Variants in NEK10 observed in about 807,000 individuals in gnomAD.
NEK10 encodes the protein serine/threonine-protein kinase Nek10.
NEK10 carries 122 observed loss-of-function variants against 159.8 expected under a neutral mutation model. The ratio of observed to expected loss-of-function variants is 0.76; its 90% CI spans 0.66 to 0.89. The LOEUF is 0.89. Among genes scored for constraint, NEK10 ranks in the 40% least tolerant of loss-of-function variants. The pLI is 0.00. For synonymous variants in NEK10, 466 were observed against 457.1 expected (o/e 1.02, Z -0.25); for missense variants, 1,342 against 1,323.1 (o/e 1.01, Z -0.22).
At chr3:27,364,096 G>A (rs1352024597) in intron 1 of NEK10, among the ~76,000 whole-genome samples, 2 of 151,832 alleles carry the variant, frequency 1.3e-5, no homozygotes, top group Non-Finnish European at 2.9e-5. Flanking sequence ...TTTTTTGTGT[G>A]TGTGTGGAGA....
chr3:27,251,193 G>T (rs564062419), intron 23 of NEK10, among the ~76,000 whole-genome samples: 1 of 152,154 alleles, frequency 6.6e-6, no homozygotes, highest in Non-Finnish European at 1.5e-5. Flanking sequence ...CTCAATAGCC[G>T]ATCTAGAATT....
intron 26 of NEK10, among the ~76,000 whole-genome samples, chr3:27,175,589 G>A (rs7653795): frequency 0.63 from 95,440 of 152,124 alleles, 31,851 homozygotes; most frequent in African/African-American, 0.87. Flanking sequence ...GAGAAAGACC[G>A]TGCGGAAGGA....
At chr3:27,229,733 C>T (rs2120890) in intron 23 of NEK10, among the ~76,000 whole-genome samples, 96,622 of 151,926 alleles carry the variant, frequency 0.64, 33,072 homozygotes, top group African/African-American at 0.91. Flanking sequence ...ATGCAATGGA[C>T]AGTTTCAACA....
intron 23 of NEK10, among the ~76,000 whole-genome samples, chr3:27,204,290 TTTTTG>T (rs1372655598): frequency 5.8e-4 from 65 of 111,396 alleles, no homozygotes; most frequent in African/African-American, 2.4e-3. Flanking sequence ...TTTTTTTTTT[TTTTTG>T]TTGTTGTTTT....
At chr3:27,149,750 T>C (rs1944650446) in intron 30 of NEK10, among the ~76,000 whole-genome samples, 1 of 152,156 alleles carries the variant, frequency 6.6e-6, no homozygotes, top group Non-Finnish European at 1.5e-5. Flanking sequence ...GGCCTCTAAT[T>C]GTTCAAGTGG....
At chr3:27,141,396 T>C (rs1943772204) in intron 31 of NEK10, 86 bp downstream of exon 31, 5 of 992,668 alleles carry the variant, frequency 5.0e-6, no homozygotes, top group Non-Finnish European at 7.6e-6. Flanking sequence ...GAATTCAATC[T>C]AAAGTCCTCC....
chr3:27,193,571 T>G (rs6551177), intron 25 of NEK10, among the ~76,000 whole-genome samples: 12,708 of 148,344 alleles, frequency 0.086, 1,868 homozygotes, highest in African/African-American at 0.3. Context: ...ATACCCCCAT[T>G]TCTTTGCTTA....
At chr3:27,155,508 T>TAAATAAAATAAAATA (rs60254232) in intron 30 of NEK10, among the ~76,000 whole-genome samples, 1,515 of 134,316 alleles carry the variant, frequency 0.011, 20 homozygotes, top group Non-Finnish European at 0.014. Context: ...CTCAAAAAAA[T>TAAATAAAATAAAATA]AAATAAAATA....
chr3:27,331,593 C>T (rs899820938), intron 5 of NEK10, among the ~76,000 whole-genome samples: 4 of 152,172 alleles, frequency 2.6e-5, no homozygotes, highest in Non-Finnish European at 1.5e-5. Flanking sequence ...TCTGGATAGT[C>T]AATGCTGAGG....
chr3:27,351,550 A>G (rs2047972797), intron 3 of NEK10, among the ~76,000 whole-genome samples: 2 of 152,158 alleles, frequency 1.3e-5, no homozygotes, highest in Admixed American at 6.6e-5. Flanking sequence ...GGGCACATAG[A>G]AAGTGTTCCC....
intron 15 of NEK10, 112 bp from the exon 16 acceptor site, chr3:27,293,764 G>A (rs1387080400): frequency 1.2e-5 from 7 of 570,856 alleles, no homozygotes; most frequent in Non-Finnish European, 2.1e-5. Flanking sequence ...GTAAGTGGCT[G>A]GTCCAAGTTG....
chr3:27,202,431 T>G lies in NEK10; in HGVS notation c.2217A>C (p.Thr739=), dbSNP rs1950136163. 4 of 1,608,026 alleles carry G rather than the reference T, an allele frequency of 2.5e-6. No homozygotes were observed. Among genetic ancestry groups the G allele is most frequent in the Non-Finnish European group, 3.4e-6 (4 of 1,176,414 alleles). The change falls in exon 24 of 36, where the codon ACA becomes ACC. Residue 739 remains threonine, a synonymous_variant. Transcript: ENST00000691995. The stretch of plus-strand genomic sequence containing the variant: ...TCTGTCTCCCAGCGTTGCTTACTTT[T>G]GTAGCCAAGGACAGCATGTTAGTGC... ...FYSTNMLSLA[T]KIVEAVYEPV...
intron 22 of NEK10, among the ~76,000 whole-genome samples, chr3:27,273,664 G>T (rs760596450): frequency 6.6e-6 from 1 of 152,076 alleles, no homozygotes; most frequent in Non-Finnish European, 1.5e-5. Context: ...TGACAATTTC[G>T]GGAAATGATT....
chr3:27,254,933 A>C (rs954266698), intron 23 of NEK10, among the ~76,000 whole-genome samples: 5 of 151,904 alleles, frequency 3.3e-5, no homozygotes, highest in Non-Finnish European at 7.4e-5. Flanking sequence ...ACACACACAC[A>C]CACACACACA....
chr3:27,192,362 C>G (rs1949195168), intron 25 of NEK10, 120 bp from the exon 26 acceptor site: 2 of 709,522 alleles, frequency 2.8e-6, no homozygotes, highest in Non-Finnish European at 4.8e-6. Context: ...CTAAGATAAC[C>G]TGGGATAAGA....
intron 6 of NEK10, among the ~76,000 whole-genome samples, chr3:27,317,398 C>T (rs2045283467): frequency 6.6e-6 from 1 of 152,206 alleles, no homozygotes; most frequent in African/African-American, 2.4e-5. Context: ...TTTCACTTGT[C>T]ACAGGCCAGA....
intron 26 of NEK10, among the ~76,000 whole-genome samples, chr3:27,179,144 T>C (rs1363628621): frequency 1.3e-5 from 2 of 152,156 alleles, no homozygotes; most frequent in East Asian, 1.9e-4. Flanking sequence ...TCCCATTCTC[T>C]ACATACAGTT....
chr3:27,194,903 C>CA (rs1379565993), intron 25 of NEK10, among the ~76,000 whole-genome samples: 6 of 152,026 alleles, frequency 3.9e-5, no homozygotes, highest in Admixed American at 3.9e-4. Flanking sequence ...CCGAGCAGAA[C>CA]AAAAAAATAT....
At chr3:27,133,870 A>G (rs1343583610) in intron 31 of NEK10, among the ~76,000 whole-genome samples, 1 of 152,220 alleles carries the variant, frequency 6.6e-6, no homozygotes, top group African/African-American at 2.4e-5. Context: ...GAAGCACTTC[A>G]GTGTACTCTG....
Sources: allele counts gnomAD v4.1 joint callset (sites outside exome capture counted in the v4.1 genomes callset), GRCh38; gene constraint gnomAD v4.1.1; transcripts MANE v1.5; gene names NCBI Gene and HGNC (gene_info 2026-07-23, HGNC 2026-07-21).